SORD: variants seen among roughly 807,000 people sequenced by gnomAD.
SORD encodes sorbitol dehydrogenase.
SORD carries 18 observed loss-of-function variants against 35.6 expected under a neutral mutation model. The observed-to-expected ratio is 0.51, with a 90% CI of 0.35 to 0.75. The LOEUF (loss-of-function observed/expected upper bound fraction) is 0.75, where lower values mean the gene tolerates loss of function less well. Among genes scored for constraint, SORD ranks in the 30% least tolerant of loss-of-function variants. The pLI is 0.01. For synonymous variants in SORD, 106 were observed against 152.9 expected (o/e 0.69, Z 2.26); for missense variants, 250 against 390.2 (o/e 0.64, Z 3.03).
intron 3 of SORD, among the ~76,000 whole-genome samples, chr15:45,058,293 G>C (rs953994416): frequency 6.6e-6 from 1 of 152,162 alleles, no homozygotes; most frequent in African/African-American, 2.4e-5. Flanking sequence ...AACCCTATGT[G>C]ATGGCTAGGT....
chr15:45,026,143 C>G (rs1246249392), intron 1 of SORD, among the ~76,000 whole-genome samples: 1 of 152,204 alleles, frequency 6.6e-6, no homozygotes, highest in Non-Finnish European at 1.5e-5. Context: ...TGGTCTTCCA[C>G]CAGCACCTCC....
chr15:45,066,699 ATC>A (rs1358294776), intron 5 of SORD, among the ~76,000 whole-genome samples: 2 of 152,284 alleles, frequency 1.3e-5, no homozygotes, highest in African/African-American at 4.8e-5. Context: ...TGTGGGTGTG[ATC>A]TGGTGTTCCT....
Position 45,023,296 on chromosome 15 carries a change from G to T in SORD, c.13G>T (p.Ala5Ser). ...CCAAAAGAGCTCCATGGCGGCGGCG[G>T]CCAAGCCCAACAACCTTTCCCTGGT... is the stretch of plus-strand genomic sequence containing the variant. MAAAAKPNNLSLVVH... is the reference protein window; with the variant it reads MAAASKPNNLSLVVH... The change falls in exon 1 of 9, where the codon GCC (alanine) becomes TCC (serine). Residue 5 changes from alanine to serine, a missense_variant. Physicochemically the swap from Ala to Ser is moderately conservative, Grantham distance 99. Around this residue, in one of 8 missense-constraint regions of SORD, gnomAD observed 43 missense variants for 30.6 expected, o/e 1.40. Coordinates refer to ENST00000267814, the MANE Select transcript of SORD (RefSeq NM_003104.6). 1.3e-6 allele frequency: 2 copies of T among 1,585,878 alleles called. No individual in the cohort carries two copies. Among genetic ancestry groups the T allele is most frequent in the East Asian group, 4.7e-5 (2 of 42,372 alleles).
intron 8 of SORD, among the ~76,000 whole-genome samples, chr15:45,072,739 C>G (rs1432802868): frequency 7.1e-6 from 1 of 140,760 alleles, no homozygotes; most frequent in Non-Finnish European, 1.5e-5. Flanking sequence ...TCTTAAGTTG[C>G]CAGGTCTCCA....
intron 4 of SORD, among the ~76,000 whole-genome samples, chr15:45,064,546 C>T (rs1487486891): frequency 1.3e-5 from 2 of 152,216 alleles, no homozygotes; most frequent in Non-Finnish European, 1.5e-5. Context: ...GAAGGTGACA[C>T]TGCATTTAAT....
At chr15:45,032,749 A>C (rs545986255) in intron 1 of SORD, among the ~76,000 whole-genome samples, 1 of 152,172 alleles carries the variant, frequency 6.6e-6, no homozygotes, top group Non-Finnish European at 1.5e-5. Context: ...TCTACCTCCT[A>C]CTTTGACCTC....
chr15:45,045,544 C>A (rs1450401937), intron 3 of SORD, among the ~76,000 whole-genome samples: 1 of 62,808 alleles, frequency 1.6e-5, no homozygotes, highest in African/African-American at 6.2e-5. Flanking sequence ...GACTCCATCT[C>A]AAAAAAAAAA....
intron 1 of SORD, among the ~76,000 whole-genome samples, chr15:45,028,433 T>C (rs1296648541): frequency 6.6e-6 from 1 of 152,262 alleles, no homozygotes; most frequent in Non-Finnish European, 1.5e-5. Flanking sequence ...GAGTGCACTT[T>C]ATCTCCCTTC....
intron 1 of SORD, among the ~76,000 whole-genome samples, chr15:45,040,161 G>T (rs1463338205): frequency 6.6e-6 from 1 of 151,714 alleles, no homozygotes; most frequent in Admixed American, 6.6e-5. Context: ...TGAGTATGCT[G>T]GGCATGCTGC....
chr15:45,029,135 G>T (rs1892727461), intron 1 of SORD, among the ~76,000 whole-genome samples: 1 of 152,258 alleles, frequency 6.6e-6, no homozygotes, highest in South Asian at 2.1e-4. Context: ...GTAGCAGTAA[G>T]TAGCCCAAAG....
chr15:45,039,170 G>C (rs571792756), intron 1 of SORD, among the ~76,000 whole-genome samples: 23 of 150,744 alleles, frequency 1.5e-4, no homozygotes, highest in African/African-American at 5.1e-4. Flanking sequence ...ACCCTGTCAC[G>C]CAGGCTGAAG....
At chr15:45,059,956 T>A (rs1343911576) in intron 3 of SORD, among the ~76,000 whole-genome samples, 2 of 152,160 alleles carry the variant, frequency 1.3e-5, no homozygotes, top group Non-Finnish European at 2.9e-5. Flanking sequence ...AACATTGGTG[T>A]CCTCTGGGGA....
intron 3 of SORD, among the ~76,000 whole-genome samples, chr15:45,051,644 TA>T (rs1457528442): frequency 5.9e-5 from 9 of 152,244 alleles, no homozygotes; most frequent in Admixed American, 3.9e-4. Flanking sequence ...AATCTGTCTT[TA>T]ATGTTACATG....
At chr15:45,069,231 G>T (rs1318868557) in intron 7 of SORD, among the ~76,000 whole-genome samples, 179 bp downstream of exon 7, 2 of 105,362 alleles carry the variant, frequency 1.9e-5, no homozygotes, top group African/African-American at 3.5e-5. Flanking sequence ...TTTTGAGACA[G>T]AGTCTCACTC....
chr15:45,066,620 A>C (rs1006082351), intron 5 of SORD, among the ~76,000 whole-genome samples: 2 of 152,222 alleles, frequency 1.3e-5, no homozygotes, highest in African/African-American at 4.8e-5. Context: ...GTTTCAAGCC[A>C]TCTGGAACAG....
intron 1 of SORD, among the ~76,000 whole-genome samples, chr15:45,039,769 C>A (rs1427390266): frequency 6.6e-6 from 1 of 152,194 alleles, no homozygotes; most frequent in African/African-American, 2.4e-5. Context: ...CAGACACTTT[C>A]TCCTACCTGT....
chr15:45,058,363 G>A (rs1047090168), intron 3 of SORD, among the ~76,000 whole-genome samples: 1 of 152,138 alleles, frequency 6.6e-6, no homozygotes, highest in African/African-American at 2.4e-5. Context: ...CAAGGGCGAT[G>A]GGGGATTGAC....
chr15:45,060,219 A>C (rs866895184), intron 3 of SORD, among the ~76,000 whole-genome samples: 7 of 152,110 alleles, frequency 4.6e-5, no homozygotes, highest in Admixed American at 1.3e-4. Context: ...GATGAGACAG[A>C]GGGGTAGATG....
intron 3 of SORD, among the ~76,000 whole-genome samples, chr15:45,057,884 C>T (rs748176088): frequency 3.9e-5 from 6 of 152,214 alleles, no homozygotes; most frequent in Admixed American, 1.3e-4. Context: ...GTGAAATATC[C>T]TCCCATACAG....
Sources: allele counts gnomAD v4.1 joint callset (sites outside exome capture counted in the v4.1 genomes callset), GRCh38; gene constraint gnomAD v4.1.1; regional missense constraint gnomAD v4.1.1; transcripts MANE v1.5; gene names NCBI Gene and HGNC (gene_info 2026-07-23, HGNC 2026-07-21).